The following ADARB2 variants were observed in gnomAD, a reference collection of about 807,000 sequenced individuals.
ADARB2 encodes the protein inactive double-stranded RNA-specific editase B2.
Under a neutral mutation model 62.2 loss-of-function variants are expected in ADARB2, and 25 were observed. The ratio of observed to expected loss-of-function variants is 0.40; its 90% CI spans 0.29 to 0.56. The LOEUF is 0.56. ADARB2 is among the 20% of genes least tolerant of loss of function. ADARB2 has a pLI of 0.43. For synonymous variants in ADARB2, 572 were observed against 500.8 expected (o/e 1.14, Z -1.90); for missense variants, 1,071 against 1,077.4 (o/e 0.99, Z 0.08).
chr10:1,316,093 A>G (rs1831736647), intron 3 of ADARB2, among the ~76,000 whole-genome samples: 1 of 152,240 alleles, frequency 6.6e-6, no homozygotes, highest in South Asian at 2.1e-4. Context: ...ATTAATGTTA[A>G]AAGTTTAATT....
intron 1 of ADARB2, among the ~76,000 whole-genome samples, chr10:1,557,964 C>T (rs557221001): frequency 2.0e-5 from 3 of 150,484 alleles, no homozygotes; most frequent in Middle Eastern, 3.4e-3. Context: ...CATGTTCTTC[C>T]AGCATCTGTG....
At chr10:1,513,028 A>G (rs1341128119) in intron 1 of ADARB2, among the ~76,000 whole-genome samples, 1 of 152,208 alleles carries the variant, frequency 6.6e-6, no homozygotes, top group Non-Finnish European at 1.5e-5. Context: ...AGCTGATGAC[A>G]TTGCATACTG....
At position 1,351,608 on chromosome 10, in the gene ADARB2, T is replaced by C. The variant is rs180871543; in HGVS notation, c.1077+11420A>G. Among the ~76,000 whole-genome samples, 275 of 152,008 alleles carry C rather than the reference T, an allele frequency of 1.8e-3. 3 individuals carry two copies. The highest frequency in any genetic ancestry group is 3.4e-3 in the Middle Eastern group (1 of 294). On this transcript the variant is annotated intron_variant, in intron 3 of 9. Coordinates refer to ENST00000381312, the MANE Select transcript of ADARB2 (RefSeq NM_018702.4). ...CTCCTTCACATCCTCCCCTTGTATC[T>C]CCCCACCTTAACCCACAAGTATAAG...
At chr10:1,614,106 C>T (rs906170981) in intron 1 of ADARB2, among the ~76,000 whole-genome samples, 1 of 152,162 alleles carries the variant, frequency 6.6e-6, no homozygotes, top group African/African-American at 2.4e-5. Context: ...AGCCTGAAAA[C>T]CACCGAGGCT....
At chr10:1,358,362 T>C (rs1398970584) in intron 3 of ADARB2, among the ~76,000 whole-genome samples, 1 of 152,162 alleles carries the variant, frequency 6.6e-6, no homozygotes, top group African/African-American at 2.4e-5. Flanking sequence ...TTGGTGAGAA[T>C]GCGGAGCCAG....
intron 1 of ADARB2, among the ~76,000 whole-genome samples, chr10:1,527,070 G>A (rs538722415): frequency 1.3e-5 from 2 of 152,210 alleles, no homozygotes; most frequent in Admixed American, 6.5e-5. Flanking sequence ...GACCACAGAC[G>A]AGAGAGGCAC....
At chr10:1,575,465 C>A (rs1473819071) in intron 1 of ADARB2, among the ~76,000 whole-genome samples, 1 of 151,606 alleles carries the variant, frequency 6.6e-6, no homozygotes, top group Non-Finnish European at 1.5e-5. Context: ...CATTTCATAG[C>A]AGAGACATGG....
At chr10:1,647,107 G>T (rs540086471) in intron 1 of ADARB2, among the ~76,000 whole-genome samples, 1 of 152,358 alleles carries the variant, frequency 6.6e-6, no homozygotes, top group East Asian at 1.9e-4. Flanking sequence ...TGCTCTGGAG[G>T]CATAATTTAA....
chr10:1,644,303 C>G (rs537035272), intron 1 of ADARB2, among the ~76,000 whole-genome samples: 22 of 152,334 alleles, frequency 1.4e-4, no homozygotes, highest in African/African-American at 5.1e-4. Flanking sequence ...ATCAATGTCC[C>G]CGAGCTGCCA....
intron 1 of ADARB2, among the ~76,000 whole-genome samples, chr10:1,543,066 G>A (rs574109403): frequency 2.0e-5 from 3 of 152,378 alleles, no homozygotes; most frequent in East Asian, 1.9e-4. Flanking sequence ...GCGACGGTGC[G>A]GCTTCCCTGC....
chr10:1,528,217 G>T (rs1487407411), intron 1 of ADARB2, among the ~76,000 whole-genome samples: 6 of 152,206 alleles, frequency 3.9e-5, no homozygotes, highest in African/African-American at 1.4e-4. Context: ...CGATACAGCA[G>T]CTCCGCGCCT....
intron 1 of ADARB2, among the ~76,000 whole-genome samples, chr10:1,633,353 A>C (rs12267329): frequency 6.6e-6 from 1 of 151,982 alleles, no homozygotes; most frequent in Non-Finnish European, 1.5e-5. Context: ...ATAGTTCAAA[A>C]CTTTTTCAGT....
chr10:1,436,291 C>T (rs1307964876), intron 1 of ADARB2, among the ~76,000 whole-genome samples: 1 of 152,164 alleles, frequency 6.6e-6, no homozygotes, highest in East Asian at 1.9e-4. Context: ...ACCTATACTA[C>T]CCTAGCAGCT....
At chr10:1,530,680 C>T (rs1832221902) in intron 1 of ADARB2, among the ~76,000 whole-genome samples, 2 of 152,352 alleles carry the variant, frequency 1.3e-5, no homozygotes, top group South Asian at 4.1e-4. Flanking sequence ...ATGTGGGCAC[C>T]CCATACTCTC....
chr10:1,711,550 G>C (rs1834949131), intron 1 of ADARB2, among the ~76,000 whole-genome samples: 1 of 152,178 alleles, frequency 6.6e-6, no homozygotes, highest in African/African-American at 2.4e-5. Context: ...TCCTCCACTT[G>C]ACAAAGAAGA....
chr10:1,230,461 T>A (rs999640639), intron 6 of ADARB2, among the ~76,000 whole-genome samples: 1 of 152,158 alleles, frequency 6.6e-6, no homozygotes, highest in African/African-American at 2.4e-5. Context: ...GCCACTGGCA[T>A]CCCCTTATCC....
At chr10:1,271,833 C>T (rs1009724604) in intron 3 of ADARB2, among the ~76,000 whole-genome samples, 15 of 152,208 alleles carry the variant, frequency 9.9e-5, no homozygotes, top group African/African-American at 2.7e-4. Context: ...AGCTTTTCTT[C>T]GGGGGCAGTT....
At chr10:1,314,565 C>T (rs1831720474) in intron 3 of ADARB2, among the ~76,000 whole-genome samples, 1 of 152,208 alleles carries the variant, frequency 6.6e-6, no homozygotes, top group Admixed American at 6.5e-5. Context: ...CCCACACTTG[C>T]CCTGGCCTTC....
intron 4 of ADARB2, among the ~76,000 whole-genome samples, chr10:1,258,973 C>T (rs546032424): frequency 9.2e-5 from 14 of 152,308 alleles, no homozygotes; most frequent in African/African-American, 3.1e-4. Context: ...TGCAATCAAA[C>T]TGGAACTCAG....
Sources: gnomAD v4.1 joint callset for allele counts (sites outside exome capture counted in the v4.1 genomes callset) on GRCh38, gnomAD v4.1.1 for gene constraint, MANE v1.5 for transcripts, NCBI Gene and HGNC (gene_info 2026-07-23, HGNC 2026-07-21) for gene names.